DOK6: variants seen among roughly 807,000 people sequenced by gnomAD.
DOK6 encodes downstream of tyrosine kinase 6.
DOK6 carries 22 observed loss-of-function variants against 44.0 expected under a neutral mutation model. The observed-to-expected ratio is 0.50, with a 90% confidence interval of 0.36 to 0.71. The LOEUF (loss-of-function observed/expected upper bound fraction) is 0.71. Ranked by LOEUF, DOK6 falls within the 30% of genes least tolerant of loss-of-function variation. DOK6 has a pLI of 0.00. For synonymous variants in DOK6, 166 were observed against 145.5 expected, an observed-to-expected ratio of 1.14 and a Z score of -1.01; for missense variants, 340 against 416.4, an observed-to-expected ratio of 0.82 and a Z score of 1.60.
chr18:69,824,055 A>T lies in DOK6; in HGVS notation c.857-17189A>T, dbSNP rs74718827. On this transcript the variant is annotated intron_variant, in intron 7 of 7. Transcript: ENST00000382713. ...TAGTAGTTATTTTTCTTTTTTTTTA[A>T]AAATTATACTTTAAGTTTTAGGGTA... Among the ~76,000 whole-genome samples the T allele has an allele frequency of 1.3e-3, 198 of 151,566 alleles. 2 individuals carry two copies. The highest frequency in any genetic ancestry group is 4.3e-3 in the African/African-American group (179 of 41,340).
chr18:69,756,341 G>A (rs1345123561), intron 6 of DOK6, among the ~76,000 whole-genome samples: 1 of 152,124 alleles, frequency 6.6e-6, no homozygotes, highest in Non-Finnish European at 1.5e-5. Flanking sequence ...TAGTTCACCT[G>A]TTTATGTAAT....
Position 69,638,721 on chromosome 18 carries a change from G to T in DOK6, c.290-39013G>T, listed in dbSNP as rs1455302977. Reference sequence around the variant, plus strand: ...ATGATTTATTCCTGGTTCATTTGCGGTTCTTCAATGGGAATAGCTTGAAGA... The same window carrying T: ...ATGATTTATTCCTGGTTCATTTGCGTTTCTTCAATGGGAATAGCTTGAAGA... On this transcript the variant is annotated intron_variant, in intron 3 of 7. Coordinates refer to ENST00000382713, the MANE Select transcript of DOK6 (RefSeq NM_152721.6). Among the ~76,000 whole-genome samples the T allele has an allele frequency of 2.0e-5, 3 of 152,256 alleles. No individual in the cohort carries two copies. The South Asian group carries it at 6.2e-4, about 32-fold the overall frequency.
At chr18:69,475,278 G>A (rs1191474487) in intron 1 of DOK6, among the ~76,000 whole-genome samples, 1 of 152,106 alleles carries the variant, frequency 6.6e-6, no homozygotes, top group Non-Finnish European at 1.5e-5. Context: ...CAAAAGTATT[G>A]ATCTTATCAG....
At chr18:69,652,894 A>G (rs1194939104) in intron 3 of DOK6, among the ~76,000 whole-genome samples, 1 of 152,226 alleles carries the variant, frequency 6.6e-6, no homozygotes, top group African/African-American at 2.4e-5. Context: ...TCAGTTTCGA[A>G]TAGTAAGGAC....
At chr18:69,818,229 G>A (rs957610755) in intron 7 of DOK6, among the ~76,000 whole-genome samples, 9 of 152,222 alleles carry the variant, frequency 5.9e-5, no homozygotes, top group African/African-American at 1.7e-4. Context: ...TCCTTTGCAC[G>A]TCCCATTCCA....
intron 7 of DOK6, among the ~76,000 whole-genome samples, chr18:69,840,628 C>T (rs1362787482): frequency 6.6e-6 from 1 of 152,132 alleles, no homozygotes; most frequent in African/African-American, 2.4e-5. Flanking sequence ...AACTTTTGGC[C>T]ATTTTGGTAG....
intron 3 of DOK6, among the ~76,000 whole-genome samples, chr18:69,649,345 C>T (rs1985162938): frequency 6.6e-6 from 1 of 152,180 alleles, no homozygotes; most frequent in Non-Finnish European, 1.5e-5. Flanking sequence ...ACGAAATCTC[C>T]TTGTCAGAGA....
At chr18:69,675,867 T>C (rs747022409) in intron 3 of DOK6, among the ~76,000 whole-genome samples, 10 of 152,212 alleles carry the variant, frequency 6.6e-5, no homozygotes, top group Non-Finnish European at 1.5e-5. Flanking sequence ...CTTTTGTTGC[T>C]CCTATAAATT....
intron 3 of DOK6, among the ~76,000 whole-genome samples, chr18:69,638,912 A>G (rs1984875344): frequency 6.6e-6 from 1 of 152,238 alleles, no homozygotes; most frequent in Non-Finnish European, 1.5e-5. Flanking sequence ...AAAGTAATCA[A>G]TATTAACATG....
chr18:69,684,243 T>C (rs1986102200), intron 4 of DOK6, among the ~76,000 whole-genome samples: 1 of 152,214 alleles, frequency 6.6e-6, no homozygotes, highest in Non-Finnish European at 1.5e-5. Flanking sequence ...CAGAAAAAGG[T>C]CAAAGCTATA....
chr18:69,693,313 A>G (rs1166141883), intron 4 of DOK6, among the ~76,000 whole-genome samples: 1 of 9,272 alleles, frequency 1.1e-4, no homozygotes, highest in Non-Finnish European at 3.0e-4. Context: ...TTCTTTGAAG[A>G]AAAAAAAAAA....
At chr18:69,514,695 C>T (rs1981467146) in intron 1 of DOK6, among the ~76,000 whole-genome samples, 1 of 148,784 alleles carries the variant, frequency 6.7e-6, no homozygotes, top group Admixed American at 6.9e-5. Context: ...TTCATCTAAA[C>T]AAATTTGGGT....
intron 1 of DOK6, among the ~76,000 whole-genome samples, chr18:69,409,157 C>T (rs1978295711): frequency 1.3e-5 from 2 of 152,174 alleles, no homozygotes; most frequent in South Asian, 4.1e-4. Flanking sequence ...ACTGGGTACT[C>T]ATTCTGTCTC....
At chr18:69,559,863 AAG>A (rs957228843) in intron 1 of DOK6, among the ~76,000 whole-genome samples, 12 of 152,044 alleles carry the variant, frequency 7.9e-5, no homozygotes, top group African/African-American at 2.4e-4. Context: ...TAAGCAGAGA[AAG>A]AGAGAGAGAA....
chr18:69,586,639 G>A (rs2144613845), intron 2 of DOK6, among the ~76,000 whole-genome samples: 1 of 152,292 alleles, frequency 6.6e-6, no homozygotes, highest in South Asian at 2.1e-4. Flanking sequence ...AGCCCCAGAG[G>A]GCAGATGAAG....
intron 3 of DOK6, among the ~76,000 whole-genome samples, chr18:69,625,535 C>T (rs1349469209): frequency 6.6e-6 from 1 of 152,134 alleles, no homozygotes; most frequent in Admixed American, 6.5e-5. Flanking sequence ...TGTCTTTGCT[C>T]TGAAGGTATA....
At chr18:69,529,119 A>G (rs1981916681) in intron 1 of DOK6, among the ~76,000 whole-genome samples, 1 of 152,162 alleles carries the variant, frequency 6.6e-6, no homozygotes, top group South Asian at 2.1e-4. Flanking sequence ...CCTCCTCACT[A>G]CCTGCAACGA....
At chr18:69,491,690 G>T (rs1477058354) in intron 1 of DOK6, among the ~76,000 whole-genome samples, 1 of 152,148 alleles carries the variant, frequency 6.6e-6, no homozygotes, top group Non-Finnish European at 1.5e-5. Context: ...ATGACTGAGG[G>T]TTTTCCAAAT....
chr18:69,571,060 A>G (rs1983103911), intron 2 of DOK6, among the ~76,000 whole-genome samples: 1 of 152,020 alleles, frequency 6.6e-6, no homozygotes, highest in Non-Finnish European at 1.5e-5. Flanking sequence ...TAATGTATGA[A>G]TATTTAATAT....
Sources: gnomAD v4.1 joint callset for allele counts (sites outside exome capture counted in the v4.1 genomes callset) on GRCh38, gnomAD v4.1.1 for gene constraint, MANE v1.5 for transcripts, NCBI Gene and HGNC (gene_info 2026-07-23, HGNC 2026-07-21) for gene names.